Variants in LHFPL3 observed in about 807,000 individuals in gnomAD.
The protein encoded by LHFPL3 is LHFPL tetraspan subfamily member 3 protein.
LHFPL3 carries 5 observed loss-of-function variants against 19.3 expected under a neutral mutation model. That is an observed-to-expected ratio of 0.26 (90% confidence interval 0.14 to 0.54). The LOEUF is 0.54. LHFPL3 is among the 20% of genes least tolerant of loss of function. The pLI is 0.94. For synonymous variants in LHFPL3, 133 were observed against 126.2 expected, an observed-to-expected ratio of 1.05 and a Z score of -0.36; for missense variants, 249 against 307.4, an observed-to-expected ratio of 0.81 and a Z score of 1.42.
intron 1 of LHFPL3, among the ~76,000 whole-genome samples, chr7:104,631,892 A>G (rs935141195): frequency 6.6e-6 from 1 of 152,230 alleles, no homozygotes; most frequent in Admixed American, 6.5e-5. Flanking sequence ...CCTTGAGGGC[A>G]GGGAAGAAAC....
At chr7:104,557,704 T>G (rs982221412) in intron 1 of LHFPL3, among the ~76,000 whole-genome samples, 29 of 151,978 alleles carry the variant, frequency 1.9e-4, no homozygotes, top group African/African-American at 7.0e-4. Flanking sequence ...ATACTTTAAG[T>G]TTTAGGGTAC....
chr7:104,750,450 T>C (rs1794141759), intron 2 of LHFPL3, among the ~76,000 whole-genome samples: 1 of 152,236 alleles, frequency 6.6e-6, no homozygotes, highest in Non-Finnish European at 1.5e-5. Context: ...CAATCTTGTC[T>C]CCTAGACTGG....
At chr7:104,382,513 A>C (rs1790847478) in intron 1 of LHFPL3, among the ~76,000 whole-genome samples, 1 of 152,138 alleles carries the variant, frequency 6.6e-6, no homozygotes. Context: ...CATTGGACTC[A>C]CCTGGGGAGG....
At chr7:104,878,407 A>T (rs1489433441) in intron 2 of LHFPL3, among the ~76,000 whole-genome samples, 4 of 151,960 alleles carry the variant, frequency 2.6e-5, no homozygotes, top group Admixed American at 2.6e-4. Context: ...CATTTTCATT[A>T]TTGTTATATC....
intron 1 of LHFPL3, among the ~76,000 whole-genome samples, chr7:104,675,834 G>A (rs1254370375): frequency 8.1e-6 from 1 of 123,728 alleles, no homozygotes; most frequent in Non-Finnish European, 1.8e-5. Context: ...GGTTTGGGAG[G>A]AAAATCAGGA....
intron 2 of LHFPL3, among the ~76,000 whole-genome samples, chr7:104,893,305 G>C (rs2116709712): frequency 6.6e-6 from 1 of 152,138 alleles, no homozygotes; most frequent in South Asian, 2.1e-4. Context: ...CTTGAGGTCA[G>C]GAGTTCAAGA....
In LHFPL3 at chr7:104,679,295, G is replaced by T. The variant is rs1471457157; in HGVS notation, c.446-57380G>T. ...TGGCTGCTTGGCTGCCTACATAGCA[G>T]TTGGGTTCCCCCAGTATTCATAATC... On this transcript the variant is annotated intron_variant, in intron 1 of 2. Transcript: ENST00000424859. Among the ~76,000 whole-genome samples, 4 of 152,236 alleles carry T rather than the reference G, an allele frequency of 2.6e-5. No homozygotes were observed. The East Asian group carries it at 7.7e-4, about 29-fold the overall frequency.
intron 1 of LHFPL3, among the ~76,000 whole-genome samples, chr7:104,408,037 A>G (rs1791454057): frequency 1.3e-5 from 2 of 152,068 alleles, no homozygotes; most frequent in Admixed American, 1.3e-4. Flanking sequence ...CTCCCCTCAG[A>G]TGGTAGGACT....
chr7:104,801,369 C>T (rs1484020270), intron 2 of LHFPL3, among the ~76,000 whole-genome samples: 2 of 152,116 alleles, frequency 1.3e-5, no homozygotes, highest in East Asian at 3.9e-4. Flanking sequence ...GACAGATAAG[C>T]TTTGCTCTGC....
At chr7:104,628,377 G>T (rs568812748) in intron 1 of LHFPL3, among the ~76,000 whole-genome samples, 1 of 152,150 alleles carries the variant, frequency 6.6e-6, no homozygotes, top group African/African-American at 2.4e-5. Context: ...TCAAAATACA[G>T]CACTGCCCTG....
intron 1 of LHFPL3, among the ~76,000 whole-genome samples, chr7:104,536,802 A>G (rs936931550): frequency 3.9e-5 from 6 of 152,222 alleles, no homozygotes; most frequent in African/African-American, 7.2e-5. Flanking sequence ...TTTTACACAG[A>G]AGCTCTTCCA....
At chr7:104,417,085 C>T (rs1039018241) in intron 1 of LHFPL3, among the ~76,000 whole-genome samples, 2 of 152,204 alleles carry the variant, frequency 1.3e-5, no homozygotes, top group Non-Finnish European at 2.9e-5. Flanking sequence ...GTGGAAGACA[C>T]GTTCAAACCA....
intron 1 of LHFPL3, among the ~76,000 whole-genome samples, chr7:104,530,770 C>T (rs925391015): frequency 6.6e-6 from 1 of 152,186 alleles, no homozygotes; most frequent in African/African-American, 2.4e-5. Flanking sequence ...GTCTTTCTAC[C>T]TCCAAGGGTT....
chr7:104,471,377 G>A (rs1792903518), intron 1 of LHFPL3, among the ~76,000 whole-genome samples: 2 of 152,188 alleles, frequency 1.3e-5, no homozygotes, highest in South Asian at 4.1e-4. Context: ...ACAAAGCAAG[G>A]TGGCTTCCTC....
intron 1 of LHFPL3, among the ~76,000 whole-genome samples, chr7:104,701,191 C>T (rs929794339): frequency 2.0e-5 from 3 of 152,098 alleles, no homozygotes; most frequent in African/African-American, 7.2e-5. Context: ...CATCAAGCAT[C>T]TAGTGTTGCT....
chr7:104,889,390 A>G (rs1792205679), intron 2 of LHFPL3, among the ~76,000 whole-genome samples: 1 of 152,218 alleles, frequency 6.6e-6, no homozygotes, highest in Non-Finnish European at 1.5e-5. Flanking sequence ...CTGTACTCCC[A>G]GCACTTTGGG....
chr7:104,337,045 CCTT>C (rs1789824006), intron 1 of LHFPL3, among the ~76,000 whole-genome samples: 1 of 151,910 alleles, frequency 6.6e-6, no homozygotes, highest in Non-Finnish European at 1.5e-5. Flanking sequence ...TTTGTAGACT[CCTT>C]CTGGAAGTAG....
chr7:104,680,705 A>T (rs1482501811), intron 1 of LHFPL3, among the ~76,000 whole-genome samples: 1 of 152,180 alleles, frequency 6.6e-6, no homozygotes, highest in African/African-American at 2.4e-5. Flanking sequence ...ACACATTGGC[A>T]GGGTCAATTT....
chr7:104,739,471 T>C (rs1793890692), intron 2 of LHFPL3, among the ~76,000 whole-genome samples: 1 of 152,220 alleles, frequency 6.6e-6, no homozygotes, highest in Non-Finnish European at 1.5e-5. Context: ...GAGAGGTTGG[T>C]TTTAACTAAA....
Sources: allele counts gnomAD v4.1 joint callset (sites outside exome capture counted in the v4.1 genomes callset), GRCh38; gene constraint gnomAD v4.1.1; transcripts MANE v1.5; gene names NCBI Gene and HGNC (gene_info 2026-07-23, HGNC 2026-07-21).